TNR: variants seen among roughly 807,000 people sequenced by gnomAD.
The protein encoded by TNR is tenascin R.
A neutral mutation model predicts 150.4 loss-of-function variants in TNR; 45 were observed. The ratio of observed to expected loss-of-function variants is 0.30; its 90% confidence interval spans 0.24 to 0.38. The LOEUF (loss-of-function observed/expected upper bound fraction) is 0.38. Among genes scored for constraint, TNR ranks in the 10% least tolerant of loss-of-function variants. The pLI is 1.00. For missense variants in TNR, 1,544 were observed against 1,759.1 expected (o/e 0.88, Z 2.19); for synonymous variants, 687 against 678.4 (o/e 1.01, Z -0.20).
chr1:175,512,663 C>A (rs576286069), intron 2 of TNR, among the ~76,000 whole-genome samples: 2 of 152,264 alleles, frequency 1.3e-5, no homozygotes, highest in Admixed American at 6.5e-5. Context: ...GGAAAAGCAC[C>A]TTTAAGAGTT....
At chr1:175,515,111 G>A (rs932346134) in intron 2 of TNR, among the ~76,000 whole-genome samples, 1 of 152,256 alleles carries the variant, frequency 6.6e-6, no homozygotes, top group Non-Finnish European at 1.5e-5. Context: ...CTGGAGAATG[G>A]AAGTGTGGCT....
intron 1 of TNR, among the ~76,000 whole-genome samples, chr1:175,605,599 C>G (rs1011762254): frequency 6.6e-6 from 1 of 152,214 alleles, no homozygotes; most frequent in South Asian, 2.1e-4. Context: ...ATGAAGGAAG[C>G]ACAGGTAGGG....
chr1:175,362,555 C>A, intron 14 of TNR, 108 bp downstream of exon 14: 4 of 1,386,430 alleles, frequency 2.9e-6, no homozygotes, highest in Non-Finnish European at 3.9e-6. Context: ...GTTGGAGGAG[C>A]ACCCCGAAAT....
At chr1:175,706,069 C>T (rs376791421) in intron 1 of TNR, among the ~76,000 whole-genome samples, 2 of 152,098 alleles carry the variant, frequency 1.3e-5, no homozygotes, top group Admixed American at 6.6e-5. Context: ...ACCCACTCTA[C>T]CCCCGCCAAC....
At chr1:175,614,585 C>A in intron 1 of TNR, among the ~76,000 whole-genome samples, 1 of 152,180 alleles carries the variant, frequency 6.6e-6, no homozygotes, top group East Asian at 1.9e-4. Flanking sequence ...AACATATCAT[C>A]ATCATCTCAA....
At chr1:175,545,581 T>C (rs1660654479) in intron 1 of TNR, among the ~76,000 whole-genome samples, 1 of 152,184 alleles carries the variant, frequency 6.6e-6, no homozygotes, top group Admixed American at 6.5e-5. Flanking sequence ...CCTCTTAATA[T>C]TAAAAATAAT....
intron 2 of TNR, among the ~76,000 whole-genome samples, chr1:175,504,961 C>T (rs1050641728): frequency 3.9e-5 from 6 of 152,138 alleles, no homozygotes; most frequent in Admixed American, 3.9e-4. Flanking sequence ...ATCTAGAAGC[C>T]AAGGAGAGAG....
At chr1:175,453,750 T>A (rs2102096348) in intron 2 of TNR, among the ~76,000 whole-genome samples, 1 of 152,138 alleles carries the variant, frequency 6.6e-6, no homozygotes, top group South Asian at 2.1e-4. Flanking sequence ...TAAAAAAGTT[T>A]TTTTTAGAGA....
At chr1:175,502,928 G>A (rs540912726) in intron 2 of TNR, among the ~76,000 whole-genome samples, 1 of 149,516 alleles carries the variant, frequency 6.7e-6, no homozygotes, top group South Asian at 2.1e-4. Flanking sequence ...GATATTCTTT[G>A]TTTTTTAAAG....
chr1:175,523,591 TTGGGTG>T (rs1659728028), intron 2 of TNR, among the ~76,000 whole-genome samples: 1 of 152,158 alleles, frequency 6.6e-6, no homozygotes, highest in Admixed American at 6.5e-5. Flanking sequence ...TAACATCTGT[TTGGGTG>T]GATTCATGGA....
intron 1 of TNR, among the ~76,000 whole-genome samples, chr1:175,665,742 G>C (rs1391132191): frequency 6.6e-6 from 1 of 152,186 alleles, no homozygotes; most frequent in African/African-American, 2.4e-5. Context: ...GAGATAAAAG[G>C]GTAGAGAATT....
chr1:175,701,654 A>G (rs550793214), intron 1 of TNR, among the ~76,000 whole-genome samples: 1 of 152,344 alleles, frequency 6.6e-6, no homozygotes, highest in South Asian at 2.1e-4. Flanking sequence ...ACTCACATAT[A>G]GTGACACTCA....
chr1:175,657,217 G>A (rs1489335355), intron 1 of TNR, among the ~76,000 whole-genome samples: 1 of 152,134 alleles, frequency 6.6e-6, no homozygotes, highest in Non-Finnish European at 1.5e-5. Flanking sequence ...AAACCATAAT[G>A]AGATACCATC....
intron 1 of TNR, among the ~76,000 whole-genome samples, chr1:175,645,155 A>G (rs1048854668): frequency 6.6e-6 from 1 of 152,204 alleles, no homozygotes; most frequent in Non-Finnish European, 1.5e-5. Flanking sequence ...ATAAAATGAC[A>G]CATTTTTAAA....
chr1:175,545,228 CAG>C (rs1660639457), intron 1 of TNR, among the ~76,000 whole-genome samples: 1 of 152,088 alleles, frequency 6.6e-6, no homozygotes, highest in Admixed American at 6.5e-5. Flanking sequence ...TCAAAAGTGA[CAG>C]AGAGGTAATT....
intron 1 of TNR, among the ~76,000 whole-genome samples, chr1:175,548,013 A>G (rs1660779597): frequency 6.6e-6 from 1 of 152,246 alleles, no homozygotes; most frequent in Admixed American, 6.5e-5. Context: ...AGGTGGATTC[A>G]TGTGGGCAAA....
intron 2 of TNR, among the ~76,000 whole-genome samples, chr1:175,519,340 A>G (rs1369838681): frequency 6.6e-6 from 1 of 152,210 alleles, no homozygotes; most frequent in African/African-American, 2.4e-5. Flanking sequence ...TGTGTTATCC[A>G]TTAAATTTTG....
At chr1:175,705,458 A>C (rs1666820550) in intron 1 of TNR, among the ~76,000 whole-genome samples, 1 of 152,216 alleles carries the variant, frequency 6.6e-6, no homozygotes, top group Non-Finnish European at 1.5e-5. Flanking sequence ...AGATTGATCT[A>C]AATTCTAGAA....
At chr1:175,426,258 A>G (rs1557926425) in intron 2 of TNR, among the ~76,000 whole-genome samples, 1 of 152,216 alleles carries the variant, frequency 6.6e-6, no homozygotes, top group East Asian at 1.9e-4. Context: ...TATGGATAAT[A>G]TTAGCAACAT....
Sources: allele counts gnomAD v4.1 joint callset (sites outside exome capture counted in the v4.1 genomes callset), GRCh38; gene constraint gnomAD v4.1.1; transcripts MANE v1.5; gene names NCBI Gene and HGNC (gene_info 2026-07-23, HGNC 2026-07-21).